Variants in RBFOX1 observed in about 807,000 individuals in gnomAD.
RBFOX1 encodes the protein RNA binding fox-1 homolog 1.
A neutral mutation model predicts 57.7 loss-of-function variants in RBFOX1; 8 were observed. That is an observed-to-expected ratio of 0.14 (90% CI 0.08 to 0.25). The LOEUF (loss-of-function observed/expected upper bound fraction) is 0.25. Among genes scored for constraint, RBFOX1 ranks in the 10% least tolerant of loss-of-function variants. The pLI, the probability that RBFOX1 is intolerant of heterozygous loss-of-function variation, is 1.00. For synonymous variants in RBFOX1, 326 were observed against 222.4 expected, an observed-to-expected ratio of 1.47 and a Z score of -4.15; for missense variants, 611 against 548.5, an observed-to-expected ratio of 1.11 and a Z score of -1.14.
At chr16:7,076,577 T>C (rs913932958) in intron 4 of RBFOX1, among the ~76,000 whole-genome samples, 3 of 152,244 alleles carry the variant, frequency 2.0e-5, no homozygotes, top group Admixed American at 6.5e-5. Context: ...CTGCAGATAC[T>C]TGAATTTCTT....
intron 4 of RBFOX1, among the ~76,000 whole-genome samples, chr16:5,874,078 T>C (rs903590403): frequency 6.6e-6 from 1 of 152,082 alleles, no homozygotes; most frequent in Non-Finnish European, 1.5e-5. Context: ...GAGGTAGGGG[T>C]ATTGGATAAT....
At chr16:5,955,401 TAAAATAAAATAA>T (rs1236942748) in intron 4 of RBFOX1, among the ~76,000 whole-genome samples, 2,250 of 73,128 alleles carry the variant, frequency 0.031, 104 homozygotes, top group Middle Eastern at 0.14. Flanking sequence ...TAAAATAAAA[TAAAATAAAATAA>T]AAGTCTTTCC....
intron 3 of RBFOX1, among the ~76,000 whole-genome samples, chr16:5,638,921 T>C (rs1476227575): frequency 1.3e-5 from 2 of 152,184 alleles, no homozygotes; most frequent in Non-Finnish European, 2.9e-5. Flanking sequence ...GAAACCCAAC[T>C]CAAATGTCCC....
At chr16:6,406,665 G>A (rs1228064282) in intron 2 of RBFOX1, among the ~76,000 whole-genome samples, 2 of 150,710 alleles carry the variant, frequency 1.3e-5, no homozygotes, top group African/African-American at 4.9e-5. Flanking sequence ...CTGTTCCTAT[G>A]CTCGGTCAAT....
chr16:5,998,158 C>A (rs903371799), intron 4 of RBFOX1, among the ~76,000 whole-genome samples: 4 of 152,126 alleles, frequency 2.6e-5, no homozygotes, highest in African/African-American at 7.2e-5. Flanking sequence ...TGTACGAAGT[C>A]CCTGTTCATT....
At chr16:7,251,035 T>A (rs867479927) in intron 4 of RBFOX1, among the ~76,000 whole-genome samples, 4 of 152,246 alleles carry the variant, frequency 2.6e-5, no homozygotes, top group Middle Eastern at 3.4e-3. Context: ...AATCTACTCT[T>A]CCAGTGATTT....
At chr16:7,415,704 G>C (rs528247317) in intron 4 of RBFOX1, among the ~76,000 whole-genome samples, 1 of 152,086 alleles carries the variant, frequency 6.6e-6, no homozygotes, top group African/African-American at 2.4e-5. Flanking sequence ...TTCCAAGAAG[G>C]CAAGAAAAGG....
At chr16:7,057,900 C>T (rs530459788) in intron 4 of RBFOX1, among the ~76,000 whole-genome samples, 1 of 150,350 alleles carries the variant, frequency 6.7e-6, no homozygotes, top group African/African-American at 2.4e-5. Flanking sequence ...CCCAGCTACT[C>T]CGGAGGCTGA....
chr16:7,251,781 T>C (rs1004246403), intron 4 of RBFOX1, among the ~76,000 whole-genome samples: 1 of 152,168 alleles, frequency 6.6e-6, no homozygotes, highest in Non-Finnish European at 1.5e-5. Flanking sequence ...TAGTGAATAA[T>C]GCTGCAGTGA....
At chr16:6,856,739 T>G (rs1483561172) in intron 3 of RBFOX1, among the ~76,000 whole-genome samples, 1 of 152,118 alleles carries the variant, frequency 6.6e-6, no homozygotes, top group Non-Finnish European at 1.5e-5. Flanking sequence ...CATGAGGCAA[T>G]AATGATGATC....
At chr16:7,127,456 G>A (rs1567364513) in intron 4 of RBFOX1, among the ~76,000 whole-genome samples, 1 of 152,130 alleles carries the variant, frequency 6.6e-6, no homozygotes, top group African/African-American at 2.4e-5. Context: ...TCAAGGTAGG[G>A]AGAAATAAAT....
intron 4 of RBFOX1, among the ~76,000 whole-genome samples, chr16:7,504,099 G>A (rs1287455970): frequency 6.6e-6 from 1 of 152,114 alleles, no homozygotes; most frequent in African/African-American, 2.4e-5. Context: ...GCAGTCATAG[G>A]CTAGGCTCTG....
At chr16:7,580,975 C>A (rs1337153619) in intron 6 of RBFOX1, among the ~76,000 whole-genome samples, 2 of 152,108 alleles carry the variant, frequency 1.3e-5, no homozygotes, top group African/African-American at 4.8e-5. Flanking sequence ...AGATGCCCAA[C>A]TTGAATGCCT....
chr16:5,639,138 C>T (rs185178920), intron 3 of RBFOX1, among the ~76,000 whole-genome samples: 36 of 152,278 alleles, frequency 2.4e-4, no homozygotes, highest in African/African-American at 5.8e-4. Flanking sequence ...TCTGATCCTG[C>T]GGTACAATAC....
At chr16:6,368,404 T>TA (rs1280893435) in intron 2 of RBFOX1, among the ~76,000 whole-genome samples, 5 of 152,178 alleles carry the variant, frequency 3.3e-5, no homozygotes, top group African/African-American at 1.2e-4. Context: ...CTGCCACACA[T>TA]AAAAAATGCT....
At chr16:6,515,633 C>G (rs1302116306) in intron 2 of RBFOX1, among the ~76,000 whole-genome samples, 1 of 152,182 alleles carries the variant, frequency 6.6e-6, no homozygotes, top group African/African-American at 2.4e-5. Context: ...TCTGTGCTTA[C>G]AGAGTCTTAA....
At chr16:6,476,135 C>A (rs1357059844) in intron 2 of RBFOX1, among the ~76,000 whole-genome samples, 2 of 152,138 alleles carry the variant, frequency 1.3e-5, no homozygotes, top group African/African-American at 4.8e-5. Context: ...AGGGACGCCA[C>A]CCTTTTCTTA....
At chr16:7,016,519 G>T (rs2093922437) in intron 3 of RBFOX1, among the ~76,000 whole-genome samples, 1 of 152,106 alleles carries the variant, frequency 6.6e-6, no homozygotes, top group Admixed American at 6.5e-5. Flanking sequence ...AGTGTATTCA[G>T]CACACCTATG....
At chr16:5,709,603 C>A (rs2051376174) in intron 3 of RBFOX1, among the ~76,000 whole-genome samples, 1 of 151,444 alleles carries the variant, frequency 6.6e-6, no homozygotes, top group South Asian at 2.1e-4. Flanking sequence ...TGTTTAACAG[C>A]AAGCATCATT....
Sources: gnomAD v4.1 joint callset for allele counts (sites outside exome capture counted in the v4.1 genomes callset) on GRCh38, gnomAD v4.1.1 for gene constraint, MANE v1.5 for transcripts, NCBI Gene and HGNC (gene_info 2026-07-23, HGNC 2026-07-21) for gene names.